LIN52: variants seen among roughly 807,000 people sequenced by gnomAD.
LIN52 encodes protein lin-52 homolog.
In LIN52, 4 loss-of-function variants were observed where a neutral mutation model predicts 18.5. The ratio of observed to expected loss-of-function variants is 0.22; its 90% CI spans 0.11 to 0.49. LIN52 has a LOEUF of 0.49. Among genes scored for constraint, LIN52 ranks in the 20% least tolerant of loss-of-function variants. The pLI is 0.97. For synonymous variants in LIN52, 34 were observed against 45.5 expected (o/e 0.75, Z 1.02); for missense variants, 102 against 139.5 (o/e 0.73, Z 1.35).
intron 5 of LIN52, among the ~76,000 whole-genome samples, chr14:74,153,478 ATATG>A (rs1163095551): frequency 1.3e-5 from 2 of 152,184 alleles, no homozygotes; most frequent in Admixed American, 6.5e-5. Flanking sequence ...AAATAAGTAT[ATATG>A]AACATTTTCA....
At chr14:74,170,029 C>T (rs911388427) in intron 5 of LIN52, among the ~76,000 whole-genome samples, 3 of 152,030 alleles carry the variant, frequency 2.0e-5, no homozygotes, top group South Asian at 2.1e-4. Flanking sequence ...TACTGGAATA[C>T]GAAAGAGGGG....
At chr14:74,176,423 T>C (rs1312018301) in intron 5 of LIN52, among the ~76,000 whole-genome samples, 1 of 152,122 alleles carries the variant, frequency 6.6e-6, no homozygotes, top group Non-Finnish European at 1.5e-5. Flanking sequence ...TAGTTAACTT[T>C]TTTTTTTAAT....
In LIN52 at chr14:74,153,338, C is replaced by T. The variant is rs149282893; in HGVS notation, c.284-45584C>T. ...TTCTTTGTGTGTGTATGCTTTATGG[C>T]GGTTTCCCATTCATTGTAATAGTCA... is the stretch of plus-strand genomic sequence containing the variant. On this transcript the variant is annotated intron_variant, in intron 5 of 5. Coordinates refer to ENST00000555028, the MANE Select transcript of LIN52 (RefSeq NM_001024674.3). 2.2e-3 allele frequency among the ~76,000 whole-genome samples: 333 copies of T among 152,138 alleles called. 5 individuals are homozygous for T. The highest frequency in any genetic ancestry group is 2.5e-3 in the Non-Finnish European group (170 of 67,988).
intron 5 of LIN52, among the ~76,000 whole-genome samples, chr14:74,116,262 C>G (rs1339871041): frequency 1.3e-5 from 2 of 152,032 alleles, no homozygotes; most frequent in African/African-American, 4.8e-5. Flanking sequence ...AAGATTAAGC[C>G]ACTGCACTCC....
intron 5 of LIN52, among the ~76,000 whole-genome samples, chr14:74,107,708 G>A (rs2060905518): frequency 6.6e-6 from 1 of 152,070 alleles, no homozygotes; most frequent in Admixed American, 6.5e-5. Flanking sequence ...CCACAGACCA[G>A]TTAGTAGTCA....
chr14:74,100,859 A>G (rs1286507740), intron 4 of LIN52, among the ~76,000 whole-genome samples: 1 of 152,006 alleles, frequency 6.6e-6, no homozygotes, highest in Non-Finnish European at 1.5e-5. Context: ...TCCTCTTGCC[A>G]TAGCCTCCCA....
chr14:74,179,466 C>T (rs900296910), intron 5 of LIN52, among the ~76,000 whole-genome samples: 8 of 152,058 alleles, frequency 5.3e-5, no homozygotes, highest in Non-Finnish European at 1.2e-4. Flanking sequence ...TCGAGACCAG[C>T]CTCGCCAACA....
intron 5 of LIN52, among the ~76,000 whole-genome samples, chr14:74,196,990 A>G (rs1031286060): frequency 6.6e-6 from 1 of 152,198 alleles, no homozygotes; most frequent in Non-Finnish European, 1.5e-5. Flanking sequence ...TGGGCAAGAC[A>G]GTACTTGATT....
chr14:74,177,244 T>G (rs2061298260), intron 5 of LIN52, among the ~76,000 whole-genome samples: 2 of 152,164 alleles, frequency 1.3e-5, no homozygotes, highest in African/African-American at 4.8e-5. Flanking sequence ...GTGATCTGCC[T>G]GCCTCGGCCT....
intron 5 of LIN52, among the ~76,000 whole-genome samples, chr14:74,107,599 T>C (rs2060904692): frequency 6.6e-6 from 1 of 152,200 alleles, no homozygotes; most frequent in African/African-American, 2.4e-5. Context: ...TTTTGGTACA[T>C]GTCTCAGTCC....
intron 5 of LIN52, among the ~76,000 whole-genome samples, chr14:74,187,489 C>T (rs4899500): frequency 0.81 from 122,999 of 152,124 alleles, 49,918 homozygotes; most frequent in Admixed American, 0.83. Context: ...ATTTGTTGTA[C>T]AAGAAAATAG....
chr14:74,172,619 A>G (rs933540960), intron 5 of LIN52, among the ~76,000 whole-genome samples: 10 of 152,234 alleles, frequency 6.6e-5, no homozygotes, highest in African/African-American at 2.2e-4. Flanking sequence ...AGGTTATGTG[A>G]TGTGATGTGT....
chr14:74,162,762 T>G (rs2061231529), intron 5 of LIN52, among the ~76,000 whole-genome samples: 1 of 152,122 alleles, frequency 6.6e-6, no homozygotes, highest in African/African-American at 2.4e-5. Context: ...AATTGTTATA[T>G]TCTCTCCCAA....
intron 5 of LIN52, among the ~76,000 whole-genome samples, chr14:74,130,295 T>TTTTTTTTTTTTTTTTTTCC (rs1315000657): frequency 1.4e-5 from 2 of 140,278 alleles, no homozygotes; most frequent in Non-Finnish European, 3.1e-5. Flanking sequence ...TTTTTTTTTT[T>TTTTTTTTTTTTTTTTTTCC]TGAGACAGTC....
chr14:74,148,134 A>G lies in LIN52; in HGVS notation c.283+46896A>G, dbSNP rs140430766. On this transcript the variant is annotated intron_variant, in intron 5 of 5. Coordinates refer to ENST00000555028, the MANE Select transcript of LIN52 (RefSeq NM_001024674.3). ...TGCTCCTAATCAAAGGCCTTTTTTT[A>G]ATGTGTAGTGATTTTATATTCCACT... 5.0e-4 allele frequency among the ~76,000 whole-genome samples: 76 copies of G among 152,188 alleles called. 5 individuals carry two copies. In the East Asian group the frequency reaches 0.015, roughly 29 times the overall value.
At chr14:74,120,740 G>A (rs2060994245) in intron 5 of LIN52, among the ~76,000 whole-genome samples, 2 of 148,220 alleles carry the variant, frequency 1.3e-5, no homozygotes, top group African/African-American at 5.0e-5. Flanking sequence ...GGGCAACAGA[G>A]TGAGACTCCC....
chr14:74,098,084 G>A (rs1420750176), intron 4 of LIN52, among the ~76,000 whole-genome samples: 1 of 152,134 alleles, frequency 6.6e-6, no homozygotes, highest in East Asian at 1.9e-4. Flanking sequence ...TGCTGCTGGT[G>A]CTAAATTCTT....
intron 5 of LIN52, among the ~76,000 whole-genome samples, chr14:74,187,800 T>C (rs1159988536): frequency 6.6e-6 from 1 of 152,172 alleles, no homozygotes; most frequent in Non-Finnish European, 1.5e-5. Context: ...GGGGAAAATT[T>C]TTTTCTTGTG....
chr14:74,192,388 C>T (rs917146372), intron 5 of LIN52, among the ~76,000 whole-genome samples: 7 of 152,130 alleles, frequency 4.6e-5, no homozygotes, highest in Non-Finnish European at 8.8e-5. Context: ...TGGGTTCAAG[C>T]GATTCTCCTG....
Sources: allele counts gnomAD v4.1 joint callset (sites outside exome capture counted in the v4.1 genomes callset), GRCh38; gene constraint gnomAD v4.1.1; transcripts MANE v1.5; gene names NCBI Gene and HGNC (gene_info 2026-07-23, HGNC 2026-07-21).